Variants in KALRN observed in about 807,000 individuals in gnomAD.
KALRN encodes kalirin.
KALRN carries 70 observed loss-of-function variants against 353.7 expected under a neutral mutation model. The observed-to-expected ratio is 0.20, with a 90% CI of 0.16 to 0.24. KALRN has a LOEUF of 0.24. Ranked by LOEUF, KALRN falls within the 10% of genes least tolerant of loss-of-function variation. The probability of loss-of-function intolerance (pLI) is 1.00; values close to 1 mark genes in which losing one functional copy is unlikely to be tolerated. For missense variants in KALRN, 2,791 were observed against 3,756.7 expected (o/e 0.74, Z 6.72); for synonymous variants, 1,391 against 1,434.8 (o/e 0.97, Z 0.69).
At chr3:124,053,568 G>A (rs1172233501) in intron 1 of KALRN, among the ~76,000 whole-genome samples, 1 of 152,086 alleles carries the variant, frequency 6.6e-6, no homozygotes, top group Non-Finnish European at 1.5e-5. Context: ...CTGTAAAAGG[G>A]TTTAGCACTG....
At chr3:124,519,680 A>T (rs1187610424) in intron 33 of KALRN, 1 of 985,332 alleles carries the variant, frequency 1.0e-6, no homozygotes, top group Admixed American at 6.1e-5. Flanking sequence ...CTCTCAATGC[A>T]AAGTGTCATT....
At chr3:124,493,633 C>T (rs988154570) in intron 32 of KALRN, among the ~76,000 whole-genome samples, 3 of 152,206 alleles carry the variant, frequency 2.0e-5, no homozygotes, top group African/African-American at 7.2e-5. Context: ...GTTCTTCCCT[C>T]CTCCCCTGTA....
chr3:124,678,355 A>G (rs771453639), intron 50 of KALRN, 42 bp downstream of exon 50: 3 of 1,595,682 alleles, frequency 1.9e-6, no homozygotes, highest in South Asian at 1.1e-5. Context: ...CCTGTCATCC[A>G]CTCCCACCCT....
intron 34 of KALRN, among the ~76,000 whole-genome samples, chr3:124,591,641 A>G (rs1465120708): frequency 6.6e-6 from 1 of 152,234 alleles, no homozygotes; most frequent in African/African-American, 2.4e-5. Flanking sequence ...AAGACAATGT[A>G]AGTAAAGGGC....
At chr3:124,673,963 G>A (rs2086838012) in intron 48 of KALRN, among the ~76,000 whole-genome samples, 1 of 152,118 alleles carries the variant, frequency 6.6e-6, no homozygotes, top group Non-Finnish European at 1.5e-5. Context: ...TCTTTCCATT[G>A]AAGGATTGTG....
At chr3:124,562,768 C>T in intron 33 of KALRN, 75 bp from the exon 34 acceptor site, 1 of 1,232,202 alleles carries the variant, frequency 8.1e-7, no homozygotes, top group African/African-American at 1.5e-5. Context: ...TCCCCTCTCA[C>T]CAACCCTCTC....
intron 10 of KALRN, among the ~76,000 whole-genome samples, chr3:124,363,056 G>T (rs923209140): frequency 3.6e-4 from 54 of 152,062 alleles, no homozygotes; most frequent in Non-Finnish European, 6.8e-4. Context: ...TTACATACAG[G>T]TATCAAAATA....
intron 51 of KALRN, among the ~76,000 whole-genome samples, chr3:124,688,997 C>A (rs1392364405): frequency 2.0e-5 from 3 of 152,190 alleles, no homozygotes; most frequent in Admixed American, 2.0e-4. Flanking sequence ...CTTGTTCTCG[C>A]CTGGGAGGAA....
intron 33 of KALRN, among the ~76,000 whole-genome samples, chr3:124,529,438 A>G (rs2109121943): frequency 6.6e-6 from 1 of 152,286 alleles, no homozygotes; most frequent in African/African-American, 2.4e-5. Flanking sequence ...AGAGTGGAAG[A>G]CAGGTCTGAT....
chr3:124,470,185 A>G (rs182176976), intron 25 of KALRN, among the ~76,000 whole-genome samples: 1 of 152,334 alleles, frequency 6.6e-6, no homozygotes, highest in East Asian at 1.9e-4. Flanking sequence ...AACCCCAGAC[A>G]TTCACACAAA....
intron 51 of KALRN, among the ~76,000 whole-genome samples, chr3:124,690,812 C>T (rs2061773866): frequency 1.3e-5 from 2 of 152,146 alleles, no homozygotes; most frequent in African/African-American, 2.4e-5. Flanking sequence ...GCCTGGGCCT[C>T]CCAAAGTGCT....
intron 1 of KALRN, among the ~76,000 whole-genome samples, chr3:124,126,913 C>G (rs1426687031): frequency 1.3e-5 from 2 of 152,180 alleles, no homozygotes; most frequent in Non-Finnish European, 2.9e-5. Flanking sequence ...CAGATGGGCA[C>G]AATACTCTAA....
chr3:124,401,594 C>CTG (rs1560815064), intron 13 of KALRN, among the ~76,000 whole-genome samples: 1 of 152,166 alleles, frequency 6.6e-6, no homozygotes, highest in African/African-American at 2.4e-5. Context: ...ACCCTAAGTA[C>CTG]TGGACAACCT....
At chr3:124,295,994 A>G (rs1476672108) in intron 5 of KALRN, among the ~76,000 whole-genome samples, 8 of 152,210 alleles carry the variant, frequency 5.3e-5, no homozygotes, top group Non-Finnish European at 1.2e-4. Context: ...CCCAGCCTGA[A>G]ATAAATTCTC....
At chr3:124,505,041 C>T in intron 33 of KALRN, 1 of 468,598 alleles carries the variant, frequency 2.1e-6, no homozygotes, top group Admixed American at 2.4e-5. Flanking sequence ...AAGCTTGGAG[C>T]CTGCAGGTAG....
chr3:124,330,440 G>A (rs2080431873), intron 8 of KALRN, among the ~76,000 whole-genome samples: 1 of 151,986 alleles, frequency 6.6e-6, no homozygotes, highest in South Asian at 2.1e-4. Flanking sequence ...TTATGAAGCA[G>A]CTCATTAAAA....
intron 58 of KALRN, among the ~76,000 whole-genome samples, chr3:124,715,406 A>G (rs965201286): frequency 6.6e-5 from 10 of 152,216 alleles, no homozygotes; most frequent in African/African-American, 2.2e-4. Flanking sequence ...GGATGTGGGC[A>G]TCTGCCTTAT....
intron 33 of KALRN, among the ~76,000 whole-genome samples, chr3:124,561,297 C>CACCTTCT (rs1179720085): frequency 6.6e-6 from 1 of 152,154 alleles, no homozygotes; most frequent in East Asian, 1.9e-4. Context: ...TGTCTCCTTC[C>CACCTTCT]ACCTTCTACC....
chr3:124,705,762 G>A (rs560303809), intron 57 of KALRN, among the ~76,000 whole-genome samples: 71 of 152,198 alleles, frequency 4.7e-4, no homozygotes, highest in African/African-American at 1.7e-3. Context: ...TCAAGTATCT[G>A]TGTGATTGTC....
Sources: gnomAD v4.1 joint callset for allele counts (sites outside exome capture counted in the v4.1 genomes callset) on GRCh38, gnomAD v4.1.1 for gene constraint, MANE v1.5 for transcripts, NCBI Gene and HGNC (gene_info 2026-07-23, HGNC 2026-07-21) for gene names.